ARID2: variants seen among roughly 807,000 people sequenced by gnomAD.
ARID2 encodes the protein AT-rich interactive domain-containing protein 2.
A neutral mutation model predicts 184.6 loss-of-function variants in ARID2; 32 were observed. The ratio of observed to expected loss-of-function variants is 0.17; its 90% CI spans 0.13 to 0.23. ARID2 has a LOEUF of 0.23. ARID2 is among the 10% of genes least tolerant of loss of function. The probability of loss-of-function intolerance (pLI) is 1.00; values close to 1 mark genes in which losing one functional copy is unlikely to be tolerated. For missense variants in ARID2, 1,696 were observed against 2,197.6 expected, an observed-to-expected ratio of 0.77 and a Z score of 4.56; for synonymous variants, 836 against 772.6, an observed-to-expected ratio of 1.08 and a Z score of -1.36.
rs999218883 is a variant in ARID2 at position 45,906,000 on chromosome 12, A to G, written c.*922A>G. The G allele has an allele frequency of 8.9e-6, 2 of 223,804 alleles. No individual in the cohort carries two copies. The highest frequency in any genetic ancestry group is 1.7e-5 in the Non-Finnish European group (2 of 115,718). 13.9% of individuals were successfully genotyped at this position (223,804 alleles called of 1,614,324 possible). On this transcript the variant is annotated 3_prime_UTR_variant, in exon 21 of 21. Transcript: ENST00000334344. ...CTTGTAGAACTCATTTTGCTGGCTG[A>G]AAGAGTATGGAATAATATATCTCAT...
Position 45,852,143 on chromosome 12 carries a change from C to A in ARID2, c.4020C>A (p.Asn1340Lys), listed in dbSNP as rs774602339. The A allele has an allele frequency of 9.9e-6, 16 of 1,613,946 alleles. No homozygotes were observed. The highest frequency in any genetic ancestry group is 1.7e-5 in the Admixed American group (1 of 59,994). ...AGAATGGAGCATCTGGGAAACAGAA[C>A]TCAGAACAAATAGACATGCAAGATA... ...LGENGASGKQ[N>K]SEQIDMQDIK... is the part of the protein sequence containing the mutation. The change falls in exon 15 of 21, where the codon AAC (asparagine) becomes AAA (lysine). Residue 1340 changes from asparagine (N) to lysine (K), a missense_variant. Around this residue, in one of 11 missense-constraint regions of ARID2, gnomAD observed 428 missense variants for 409.1 expected, o/e 1.05. Coordinates refer to ENST00000334344, the MANE Select transcript of ARID2 (RefSeq NM_152641.4).
At chr12:45,763,750 C>G (rs1941722665) in intron 3 of ARID2, among the ~76,000 whole-genome samples, 1 of 152,152 alleles carries the variant, frequency 6.6e-6, no homozygotes, top group South Asian at 2.1e-4. Flanking sequence ...CTTGGCCTCC[C>G]AAAATGTTGG....
intron 4 of ARID2, among the ~76,000 whole-genome samples, chr12:45,813,299 C>T (rs1390227763): frequency 1.3e-5 from 2 of 151,976 alleles, no homozygotes; most frequent in Non-Finnish European, 2.9e-5. Flanking sequence ...AGCATTTATA[C>T]TTTATGTTTT....
At chr12:45,899,711 T>TTTTA (rs1484803713) in intron 20 of ARID2, among the ~76,000 whole-genome samples, 4,178 of 132,802 alleles carry the variant, frequency 0.031, 238 homozygotes, top group African/African-American at 0.11. Context: ...ATATATATGG[T>TTTTA]TATATATATA....
intron 16 of ARID2, among the ~76,000 whole-genome samples, chr12:45,886,257 C>A (rs779857598): frequency 1.6e-4 from 24 of 152,064 alleles, no homozygotes; most frequent in Non-Finnish European, 2.5e-4. Flanking sequence ...AGTCATTAAA[C>A]CTTAAAGTTC....
At chr12:45,815,873 C>T (rs1459656988) in intron 4 of ARID2, among the ~76,000 whole-genome samples, 4 of 152,124 alleles carry the variant, frequency 2.6e-5, no homozygotes, top group African/African-American at 9.7e-5. Context: ...ATTGCACAGG[C>T]TGGTCTTGAA....
chr12:45,831,256 A>G (rs1256269351), intron 6 of ARID2, among the ~76,000 whole-genome samples: 1 of 152,174 alleles, frequency 6.6e-6, no homozygotes, highest in Non-Finnish European at 1.5e-5. Flanking sequence ...CATACAATTA[A>G]GACCACAAAA....
At chr12:45,842,060 C>G (rs1182985313) in intron 11 of ARID2, 2 of 148,996 alleles carry the variant, frequency 1.3e-5, no homozygotes, top group African/African-American at 5.1e-5. Flanking sequence ...GAGTTTGAGA[C>G]CAGCCTGGCA....
At chr12:45,784,337 G>A (rs1053045530) in intron 3 of ARID2, among the ~76,000 whole-genome samples, 1 of 151,944 alleles carries the variant, frequency 6.6e-6, no homozygotes, top group South Asian at 2.1e-4. Context: ...GCAAAACTTA[G>A]TATCTACTAT....
At chr12:45,739,720 TG>T (rs1481696343) in intron 3 of ARID2, among the ~76,000 whole-genome samples, 2 of 152,132 alleles carry the variant, frequency 1.3e-5, no homozygotes, top group Non-Finnish European at 1.5e-5. Context: ...GAAGTGTTTT[TG>T]GGTGAAATTT....
At chr12:45,823,766 A>C (rs1486639053) in intron 6 of ARID2, among the ~76,000 whole-genome samples, 1 of 152,166 alleles carries the variant, frequency 6.6e-6, no homozygotes, top group African/African-American at 2.4e-5. Context: ...AGACCAATAA[A>C]GAGTAACAAG....
At chr12:45,880,794 T>C (rs1007069138) in intron 16 of ARID2, among the ~76,000 whole-genome samples, 3 of 152,180 alleles carry the variant, frequency 2.0e-5, no homozygotes, top group African/African-American at 7.2e-5. Flanking sequence ...TCTCTGCCCC[T>C]ACCCCAGTTT....
At chr12:45,834,279 C>A (rs1219808591) in intron 6 of ARID2, among the ~76,000 whole-genome samples, 1 of 151,526 alleles carries the variant, frequency 6.6e-6, no homozygotes, top group African/African-American at 2.4e-5. Context: ...TTTTCTACCC[C>A]ATGACTTTTT....
At chr12:45,876,353 C>T (rs538941667) in intron 16 of ARID2, among the ~76,000 whole-genome samples, 10 of 151,862 alleles carry the variant, frequency 6.6e-5, no homozygotes, top group African/African-American at 2.2e-4. Flanking sequence ...GAGTTCAAGA[C>T]CACCCTGACC....
intron 4 of ARID2, among the ~76,000 whole-genome samples, chr12:45,812,931 G>A (rs990850879): frequency 6.6e-6 from 1 of 152,096 alleles, no homozygotes; most frequent in African/African-American, 2.4e-5. Context: ...GTTTGGTCTT[G>A]TTTAAAATAG....
At chr12:45,738,397 C>T (rs930884392) in intron 3 of ARID2, among the ~76,000 whole-genome samples, 4 of 152,156 alleles carry the variant, frequency 2.6e-5, no homozygotes, top group African/African-American at 7.2e-5. Context: ...TCACTGCAAC[C>T]TTCACCTCCT....
chr12:45,849,425 ATTTC>A (rs1943500037), intron 13 of ARID2, among the ~76,000 whole-genome samples, 151 bp from the exon 14 acceptor site: 1 of 152,140 alleles, frequency 6.6e-6, no homozygotes, highest in Non-Finnish European at 1.5e-5. Flanking sequence ...AATCTTTTAT[ATTTC>A]TTTGCTTTCC....
intron 3 of ARID2, among the ~76,000 whole-genome samples, chr12:45,740,383 G>C (rs1043489508): frequency 4.6e-5 from 7 of 151,266 alleles, no homozygotes; most frequent in African/African-American, 1.2e-4. Flanking sequence ...GCCACATTTG[G>C]TTTACATTTT....
At chr12:45,826,690 A>T (rs1006535911) in intron 6 of ARID2, among the ~76,000 whole-genome samples, 4 of 152,066 alleles carry the variant, frequency 2.6e-5, no homozygotes, top group Non-Finnish European at 5.9e-5. Flanking sequence ...GAGTGCTGGG[A>T]TTATAAGCAT....
Sources: gnomAD v4.1 joint callset for allele counts (sites outside exome capture counted in the v4.1 genomes callset) on GRCh38, gnomAD v4.1.1 for gene constraint, gnomAD v4.1.1 regional missense constraint, MANE v1.5 for transcripts, NCBI Gene and HGNC (gene_info 2026-07-23, HGNC 2026-07-21) for gene names.